ACMSD: variants seen among roughly 807,000 people sequenced by gnomAD.
ACMSD encodes 2-amino-3-carboxymuconate-6-semialdehyde decarboxylase.
In ACMSD, 37 loss-of-function variants were observed where a neutral mutation model predicts 45.9. That is an observed-to-expected ratio of 0.81 (90% CI 0.62 to 1.06). ACMSD has a LOEUF of 1.06. ACMSD is among the 50% of genes least tolerant of loss of function. The pLI is 0.00. For missense variants in ACMSD, 434 were observed against 420.9 expected (o/e 1.03, Z -0.27); for synonymous variants, 138 against 148.8 (o/e 0.93, Z 0.53).
At chr2:134,863,147 C>A in intron 4 of ACMSD, 1 of 779,082 alleles carries the variant, frequency 1.3e-6, no homozygotes, top group Non-Finnish European at 1.6e-6. Context: ...TTGTGTTCTT[C>A]CCTTCTGATT....
Position 134,838,667 on chromosome 2 carries a change from C to A in ACMSD, c.-16C>A. 6.2e-7 allele frequency: 1 copy of A among 1,604,654 alleles called. No individual in the cohort carries two copies. The highest frequency in any genetic ancestry group is 8.5e-7 in the Non-Finnish European group (1 of 1,174,978). ...TCAAAACTTCTTTCCTTGCATGCTT[C>A]TCTGATCCTGTGGAGATGAAAATTG... On this transcript the variant is annotated 5_prime_UTR_variant, in exon 1 of 10. Transcript: ENST00000356140.
chr2:134,881,397 G>A (rs1382537229), intron 8 of ACMSD, among the ~76,000 whole-genome samples: 4 of 152,226 alleles, frequency 2.6e-5, no homozygotes, highest in Non-Finnish European at 4.4e-5. Flanking sequence ...ACTTTTAGGA[G>A]CAACACTGTC....
At chr2:134,891,818 G>T (rs1013521954) in intron 8 of ACMSD, among the ~76,000 whole-genome samples, 11 of 151,966 alleles carry the variant, frequency 7.2e-5, no homozygotes, top group African/African-American at 2.4e-4. Context: ...GCAAAGAAAT[G>T]GAATTAATCT....
intron 8 of ACMSD, among the ~76,000 whole-genome samples, chr2:134,886,632 C>T (rs1689476965): frequency 6.6e-6 from 1 of 152,080 alleles, no homozygotes; most frequent in African/African-American, 2.4e-5. Flanking sequence ...TAAAAAAAAT[C>T]ATAGCTATCC....
chr2:134,868,453 T>TTC (rs1688240431), intron 6 of ACMSD, among the ~76,000 whole-genome samples: 1 of 145,566 alleles, frequency 6.9e-6, no homozygotes, highest in African/African-American at 2.5e-5. Context: ...ATTTTTTTCT[T>TTC]TTTTTTTTTT....
At chr2:134,885,456 T>C (rs1327903993) in intron 8 of ACMSD, among the ~76,000 whole-genome samples, 1 of 105,328 alleles carries the variant, frequency 9.5e-6, no homozygotes, top group East Asian at 3.2e-4. Context: ...ATAAAACATA[T>C]GTTAGATATG....
intron 8 of ACMSD, among the ~76,000 whole-genome samples, chr2:134,880,234 C>A (rs977583655): frequency 1.3e-5 from 2 of 152,076 alleles, no homozygotes; most frequent in Non-Finnish European, 2.9e-5. Flanking sequence ...TTGTGTAAAA[C>A]CTGCTTCTCT....
intron 2 of ACMSD, among the ~76,000 whole-genome samples, chr2:134,848,857 A>T (rs1334470612): frequency 6.6e-6 from 1 of 152,146 alleles, no homozygotes; most frequent in Non-Finnish European, 1.5e-5. Flanking sequence ...CCTGAATGGT[A>T]CTGCTTAGGT....
At chr2:134,882,833 T>C (rs1459962674) in intron 8 of ACMSD, among the ~76,000 whole-genome samples, 1 of 152,236 alleles carries the variant, frequency 6.6e-6, no homozygotes, top group Non-Finnish European at 1.5e-5. Context: ...TCTTTGTGTT[T>C]GCAGAACTCC....
chr2:134,840,189 A>AAAAAAAAAAAAAAAAAAAAAAAAAAG (rs1686732816), intron 1 of ACMSD, among the ~76,000 whole-genome samples: 1 of 132,534 alleles, frequency 7.5e-6, no homozygotes, highest in African/African-American at 2.9e-5. Flanking sequence ...AAAAAAAAAA[A>AAAAAAAAAAAAAAAAAAAAAAAAAAG]AAAACCACTA....
intron 2 of ACMSD, among the ~76,000 whole-genome samples, chr2:134,855,817 G>T (rs1231980895): frequency 2.0e-5 from 3 of 152,246 alleles, no homozygotes; most frequent in Non-Finnish European, 4.4e-5. Flanking sequence ...CTTCATGCAG[G>T]AGATGGAGTA....
chr2:134,848,990 C>G (rs543043661), intron 2 of ACMSD, among the ~76,000 whole-genome samples: 2 of 152,156 alleles, frequency 1.3e-5, no homozygotes, highest in Non-Finnish European at 2.9e-5. Flanking sequence ...GTTCCTAGAC[C>G]AGGATCTGAT....
Position 134,872,609 on chromosome 2 carries a change from TC to T in ACMSD, c.820del (p.Leu274SerfsTer4), listed in dbSNP as rs763316607. The T allele has an allele frequency of 5.0e-6, 8 of 1,614,164 alleles. No homozygotes were observed. The highest frequency in any genetic ancestry group is 6.8e-6 in the Non-Finnish European group (8 of 1,180,024). ...YTDALVHDPLSLKLLTDVIGK... is the reference protein window; with the variant it reads ...YTDALVHDPLXLKLLTDVIGK... ...AGATGCTTTGGTTCATGATCCTCTG[TC>T]CCTCAAGCTGTTAACAGATGTCATA... On this transcript the variant is annotated frameshift_variant, in exon 8 of 10. Coordinates refer to ENST00000356140, the MANE Select transcript of ACMSD (RefSeq NM_138326.3). LOFTEE classifies it high-confidence loss of function.
At chr2:134,892,311 T>C (rs1689835051) in intron 8 of ACMSD, among the ~76,000 whole-genome samples, 1 of 152,024 alleles carries the variant, frequency 6.6e-6, no homozygotes, top group Non-Finnish European at 1.5e-5. Flanking sequence ...ATACATGAAT[T>C]GGGAAAACTA....
At position 134,863,063 on chromosome 2, in the gene ACMSD, G is replaced by T. The variant is rs1029310670; in HGVS notation, c.250-332G>T. 3 of 984,936 alleles carry T rather than the reference G, an allele frequency of 3.0e-6. No individual in the cohort carries two copies. In the African/African-American group the frequency reaches 5.2e-5, roughly 17 times the overall value. 61.0% of individuals were successfully genotyped at this position (984,936 alleles called of 1,614,324 possible). A position where few individuals can be genotyped will look rare whatever the true frequency, so the allele number is the denominator to read the frequency against. Reference sequence around the variant, plus strand: ...GCCCGACCTCCTGGGAGGTAGGGGGGCATTAAGATCTTTCTGCAGTTGGCA... The same window carrying T: ...GCCCGACCTCCTGGGAGGTAGGGGGTCATTAAGATCTTTCTGCAGTTGGCA... On this transcript the variant is annotated intron_variant, in intron 4 of 9. Coordinates refer to ENST00000356140, the MANE Select transcript of ACMSD (RefSeq NM_138326.3).
chr2:134,896,168 A>G (rs1690137552), intron 8 of ACMSD, among the ~76,000 whole-genome samples: 1 of 152,252 alleles, frequency 6.6e-6, no homozygotes. Flanking sequence ...TGGATCAAAG[A>G]CTTAAATTGA....
intron 2 of ACMSD, among the ~76,000 whole-genome samples, chr2:134,853,834 G>A (rs556430177): frequency 5.1e-4 from 78 of 152,314 alleles, no homozygotes; most frequent in Middle Eastern, 3.4e-3. Flanking sequence ...CATGAAGGAT[G>A]TGAAAAAGTG....
Position 134,864,348 on chromosome 2 carries a change from G to A in ACMSD, c.486+717G>A, listed in dbSNP as rs1025255096. 1.6e-4 allele frequency among the ~76,000 whole-genome samples: 24 copies of A among 151,256 alleles called. No homozygotes were observed. In the East Asian group the frequency reaches 1.7e-3, roughly 11 times the overall value. On this transcript the variant is annotated intron_variant, in intron 5 of 9. Transcript: ENST00000356140. ...ATGAAATAATTTGGAAGAAATTATC[G>A]AAAATACAGAAAAGTATAAAGATGA...
At chr2:134,847,463 G>T (rs1411775207) in intron 2 of ACMSD, among the ~76,000 whole-genome samples, 2 of 151,932 alleles carry the variant, frequency 1.3e-5, no homozygotes, top group African/African-American at 2.4e-5. Flanking sequence ...GATAGAGATA[G>T]AGATAGATAT....
Sources: allele counts gnomAD v4.1 joint callset (sites outside exome capture counted in the v4.1 genomes callset), GRCh38; gene constraint gnomAD v4.1.1; transcripts MANE v1.5; gene names NCBI Gene and HGNC (gene_info 2026-07-23, HGNC 2026-07-21).